CAMK1G: variants seen among roughly 807,000 people sequenced by gnomAD.
CAMK1G encodes the protein calcium/calmodulin-dependent protein kinase type 1G.
Under a neutral mutation model 54.8 loss-of-function variants are expected in CAMK1G, and 27 were observed. That is an observed-to-expected ratio of 0.49 (90% CI 0.36 to 0.68). The LOEUF is 0.68. Among genes scored for constraint, CAMK1G ranks in the 30% least tolerant of loss-of-function variants. The pLI is 0.00. For synonymous variants in CAMK1G, 238 were observed against 224.9 expected, an observed-to-expected ratio of 1.06 and a Z score of -0.52; for missense variants, 512 against 591.0, an observed-to-expected ratio of 0.87 and a Z score of 1.39.
At chr1:209,601,049 G>T (rs1265539388) in intron 3 of CAMK1G, among the ~76,000 whole-genome samples, 2 of 152,224 alleles carry the variant, frequency 1.3e-5, no homozygotes, top group African/African-American at 4.8e-5. Context: ...GATAAGGAAT[G>T]TTGGCTTTAT....
At chr1:209,584,957 T>C (rs1392339160) in intron 1 of CAMK1G, among the ~76,000 whole-genome samples, 4 of 152,190 alleles carry the variant, frequency 2.6e-5, no homozygotes, top group Non-Finnish European at 5.9e-5. Flanking sequence ...TTTAGGACGA[T>C]CCCATCAGAT....
chr1:209,611,441 A>C (rs1042394665), intron 9 of CAMK1G, 24 bp from the exon 10 acceptor site: 8 of 1,612,278 alleles, frequency 5.0e-6, no homozygotes, highest in Non-Finnish European at 6.8e-6. Context: ...CCCAGTAGCC[A>C]GGTGTCCCCT....
chr1:209,595,444 C>T lies in CAMK1G; in HGVS notation c.92+369C>T, dbSNP rs1355184638. On this transcript the variant is annotated intron_variant, in intron 2 of 12. Transcript: ENST00000361322. ...AAAACAAAACAAAACAAAATTGGAG[C>T]TCTCAGGGAATACCAGTCCCTTTCC... 5.3e-5 allele frequency among the ~76,000 whole-genome samples: 8 copies of T among 151,600 alleles called. No individual in the cohort carries two copies. The East Asian group carries it at 1.5e-3, about 29-fold the overall frequency.
At position 209,613,395 on chromosome 1, in the gene CAMK1G, TTCTCCAA is replaced by T. The variant is rs2102399007; in HGVS notation, c.*394_*400del. On this transcript the variant is annotated 3_prime_UTR_variant, in exon 13 of 13. Transcript: ENST00000361322. ...AATGGGCTGGCCAGGCTGTGTCACCTTCTCCAAGCAAAGCCATATGGAGCATCTACCC... is the reference window on the plus strand; with the variant it reads ...AATGGGCTGGCCAGGCTGTGTCACCTGCAAAGCCATATGGAGCATCTACCC... 6.4e-6 allele frequency: 1 copy of T among 155,634 alleles called. No homozygotes were observed. Among genetic ancestry groups the T allele is most frequent in the East Asian group, 1.9e-4 (1 of 5,308 alleles). The allele number at this position is 155,634 out of a possible 1,614,324, so 9.6% of individuals were successfully genotyped here.
In CAMK1G at chr1:209,596,664, CACACACACA is replaced by C. The variant is rs1665396409; in HGVS notation, c.92+1590_92+1598del. Among the ~76,000 whole-genome samples, 100 of 15,986 alleles carry C rather than the reference CACACACACA, an allele frequency of 6.3e-3. 1 individual carries two copies. The highest frequency in any genetic ancestry group is 0.036 in the African/African-American group (98 of 2,728). The allele number at this position is 15,986 out of a possible 152,430, so 10.5% of individuals were successfully genotyped here. A position where few individuals can be genotyped will look rare whatever the true frequency, so the allele number is the denominator to read the frequency against. ...TGTATTTTACATCACACACACACCA[CACACACACA>C]CACACACACACACACACACACACAC... On this transcript the variant is annotated intron_variant, in intron 2 of 12. Coordinates refer to ENST00000361322, the MANE Select transcript of CAMK1G (RefSeq NM_020439.3).
At chr1:209,583,893 G>A (rs1032264817) in intron 1 of CAMK1G, 121 bp downstream of exon 1, 1 of 152,202 alleles carries the variant, frequency 6.6e-6, no homozygotes, top group Non-Finnish European at 1.5e-5. Context: ...ATTTATTTCA[G>A]CCCCAGTTCC....
intron 2 of CAMK1G, among the ~76,000 whole-genome samples, chr1:209,598,281 C>G (rs908290503): frequency 6.6e-6 from 1 of 152,224 alleles, no homozygotes; most frequent in African/African-American, 2.4e-5. Context: ...GCAGATCCTA[C>G]TGAATGAATG....
intron 3 of CAMK1G, among the ~76,000 whole-genome samples, 177 bp downstream of exon 3, chr1:209,600,288 A>ATT (rs10641906): frequency 0.29 from 43,018 of 148,456 alleles, 6,551 homozygotes; most frequent in South Asian, 0.34. Context: ...GTCCTAGCTG[A>ATT]TTTTTTTTTT....
Position 209,586,737 on chromosome 1 carries a change from C to T in CAMK1G, c.-30+2965C>T, listed in dbSNP as rs549049293. ...TAGAGCAGGGATCATTATTCACATT[C>T]AGCAGATGAGGAAACCAAGGCCCAA... On this transcript the variant is annotated intron_variant, in intron 1 of 12. Coordinates refer to ENST00000361322, the MANE Select transcript of CAMK1G (RefSeq NM_020439.3). 1.9e-3 allele frequency among the ~76,000 whole-genome samples: 284 copies of T among 152,256 alleles called. 1 individual carries two copies. The highest frequency in any genetic ancestry group is 6.4e-3 in the African/African-American group (266 of 41,566).
chr1:209,611,839 C>T lies in CAMK1G; in HGVS notation c.963C>T (p.His321=), dbSNP rs757846530. 2 of 1,614,210 alleles carry T rather than the reference C, an allele frequency of 1.2e-6. No homozygotes were observed. The highest frequency in any genetic ancestry group is 1.1e-5 in the South Asian group (1 of 91,090). ...AAVVHHMRKL[H]MNLHSPGVRP... is the part of the protein sequence containing the mutation. ...TGGTGCACCACATGAGGAAGCTACA[C>T]ATGAACCTGCACAGCCCGGGCGTCC... Residue 321 remains histidine (H), a synonymous_variant, in exon 11 of 13, where the codon CAC becomes CAT. Transcript: ENST00000361322.
At chr1:209,612,283 A>G (rs189443012) in intron 11 of CAMK1G, 67 bp downstream of exon 11, 1 of 1,545,856 alleles carries the variant, frequency 6.5e-7, no homozygotes, top group East Asian at 2.3e-5. Flanking sequence ...ACAGGACTGA[A>G]AGAAATGGAC....
rs745533868 is a variant in CAMK1G, at chr1:209,611,534, T to C, written c.897T>C (p.Phe299=). 8.7e-6 allele frequency: 14 copies of C among 1,614,050 alleles called. No homozygotes were observed. The Admixed American group carries it at 1.2e-4, about 13-fold the overall frequency. ...TCAGCCTCCAGATCCAGAAGAACTTTGCTAAGAGCAAGTGGAGGGTAAGCT... is the reference window on the plus strand; with the variant it reads ...TCAGCCTCCAGATCCAGAAGAACTTCGCTAAGAGCAAGTGGAGGGTAAGCT... ...PSVSLQIQKN[F]AKSKWRQAFN... The change falls in exon 10 of 13, where the codon TTT becomes TTC. Residue 299 remains phenylalanine (F), a synonymous_variant. Transcript: ENST00000361322.
chr1:209,612,374 C>T (rs1665804966), intron 11 of CAMK1G, 158 bp downstream of exon 11: 1 of 745,032 alleles, frequency 1.3e-6, no homozygotes, highest in East Asian at 2.7e-5. Flanking sequence ...TGCTTCCAGC[C>T]CTGTCCCCAT....
intron 8 of CAMK1G, among the ~76,000 whole-genome samples, chr1:209,609,415 G>A (rs1340122107): frequency 6.6e-6 from 1 of 152,204 alleles, no homozygotes; most frequent in Non-Finnish European, 1.5e-5. Flanking sequence ...CAAAACTAAG[G>A]GGTTAGATAT....
At chr1:209,607,410 G>A (rs932048149) in intron 6 of CAMK1G, among the ~76,000 whole-genome samples, 18 of 152,142 alleles carry the variant, frequency 1.2e-4, no homozygotes, top group African/African-American at 4.3e-4. Flanking sequence ...TAATCTAATG[G>A]GGGTGACTCA....
In CAMK1G at chr1:209,612,235, A is replaced by T; in HGVS notation, c.1340+19A>T. ...AAAAACAGTACGTATTTTTAGCCAAAGATGGAGCCCCAGCTTGGGTCTGAA... is the reference window on the plus strand; with the variant it reads ...AAAAACAGTACGTATTTTTAGCCAATGATGGAGCCCCAGCTTGGGTCTGAA... On this transcript the variant is annotated intron_variant, in intron 11 of 12. Transcript: ENST00000361322. 6.2e-7 allele frequency: 1 copy of T among 1,608,924 alleles called. No individual in the cohort carries two copies. The highest frequency in any genetic ancestry group is 8.5e-7 in the Non-Finnish European group (1 of 1,176,070).
At chr1:209,595,961 A>T (rs1665371443) in intron 2 of CAMK1G, among the ~76,000 whole-genome samples, 1 of 152,030 alleles carries the variant, frequency 6.6e-6, no homozygotes, top group Non-Finnish European at 1.5e-5. Context: ...CTGGCCCCCA[A>T]ACCCCTCAGA....
intron 1 of CAMK1G, among the ~76,000 whole-genome samples, chr1:209,584,651 T>C (rs1465476056): frequency 6.6e-6 from 1 of 152,190 alleles, no homozygotes; most frequent in Non-Finnish European, 1.5e-5. Flanking sequence ...CACGCTGGTC[T>C]GGCTGCAGTG....
rs144887895 is a variant in CAMK1G, at chr1:209,612,148, C to T, written c.1272C>T (p.Asn424=). 8.4e-5 allele frequency: 135 copies of T among 1,614,202 alleles called. 2 individuals are homozygous for T. In the Middle Eastern group the frequency reaches 2.8e-3, roughly 34 times the overall value. The part of the protein sequence containing the change: ...GPCGCCSSCL[N]IGSKGKSSYC... The stretch of plus-strand genomic sequence containing the variant: ...GTGGCTGCTGCTCCAGCTGCCTGAA[C>T]ATTGGGAGCAAAGGAAAGTCCTCCT... Residue 424 remains asparagine (N), a synonymous_variant, in exon 11 of 13, where the codon AAC becomes AAT. Coordinates refer to ENST00000361322, the MANE Select transcript of CAMK1G (RefSeq NM_020439.3).
Sources: allele counts gnomAD v4.1 joint callset (sites outside exome capture counted in the v4.1 genomes callset), GRCh38; gene constraint gnomAD v4.1.1; transcripts MANE v1.5; gene names NCBI Gene and HGNC (gene_info 2026-07-23, HGNC 2026-07-21).